Variants in ZNF675 observed in about 807,000 individuals in gnomAD.
The protein encoded by ZNF675 is TRAF6 inhibitory zinc finger.
Under a neutral mutation model 56.1 loss-of-function variants are expected in ZNF675, and 36 were observed. The ratio of observed to expected loss-of-function variants is 0.64; its 90% confidence interval spans 0.49 to 0.85. The LOEUF (loss-of-function observed/expected upper bound fraction) is 0.85, where lower values mean the gene tolerates loss of function less well. Ranked by LOEUF, ZNF675 falls within the 40% of genes least tolerant of loss-of-function variation. The pLI is 0.00. For missense variants in ZNF675, 663 were observed against 654.2 expected (o/e 1.01, Z -0.15); for synonymous variants, 200 against 218.9 (o/e 0.91, Z 0.76).
chr19:23,659,471 TAA>T (rs891930972), intron 3 of ZNF675, among the ~76,000 whole-genome samples: 21 of 152,112 alleles, frequency 1.4e-4, no homozygotes, highest in African/African-American at 4.8e-4. Context: ...CATGATATAT[TAA>T]GTTTAGAGAA....
Position 23,653,247 on chromosome 19 carries a change from T to C in ZNF675, c.1686A>G (p.Lys562=). The change falls in exon 4 of 4, where the codon AAA becomes AAG. Residue 562 remains lysine (K), a synonymous_variant. Transcript: ENST00000359788. The part of the protein sequence containing the change: ...TKHKKIHTGE[K]LQNWNV Reference sequence around the variant, plus strand: ...ATTATCACACATTCCAGTTCTGTAGTTTCTCTCCAGTATGTATTTTTTTAT... The same window carrying C: ...ATTATCACACATTCCAGTTCTGTAGCTTCTCTCCAGTATGTATTTTTTTAT... 6.2e-7 allele frequency: 1 copy of C among 1,602,144 alleles called. No homozygotes were observed. Among genetic ancestry groups the C allele is most frequent in the Non-Finnish European group, 8.5e-7 (1 of 1,174,368 alleles).
chr19:23,684,706 G>A (rs1017956956), intron 1 of ZNF675, among the ~76,000 whole-genome samples: 1 of 152,046 alleles, frequency 6.6e-6, no homozygotes, highest in Admixed American at 6.6e-5. Context: ...AATCACTTGA[G>A]AGATTCTCCC....
intron 3 of ZNF675, among the ~76,000 whole-genome samples, chr19:23,660,539 A>T (rs1342011956): frequency 6.6e-6 from 1 of 152,200 alleles, no homozygotes; most frequent in Non-Finnish European, 1.5e-5. Flanking sequence ...AAACTAACAT[A>T]CAAGTTAGGG....
chr19:23,661,800 TA>T (rs1968082476), intron 3 of ZNF675: 1 of 203,698 alleles, frequency 4.9e-6, no homozygotes. Context: ...CAAAATTATG[TA>T]GGTATTTCTG....
rs566787650 is a variant in ZNF675 at position 23,666,765 on chromosome 19, T to C, written c.4-3607A>G. ...TTCTCCTTTTACATACAGGGAAGTCTTTCTCTCTTTTTCTCTTTCTCTCTC... is the reference window on the plus strand; with the variant it reads ...TTCTCCTTTTACATACAGGGAAGTCCTTCTCTCTTTTTCTCTTTCTCTCTC... On this transcript the variant is annotated intron_variant, in intron 1 of 3. Transcript: ENST00000359788. 1.4e-3 allele frequency among the ~76,000 whole-genome samples: 144 copies of C among 99,366 alleles called. 1 individual carries two copies. The highest frequency in any genetic ancestry group is 4.2e-3 in the African/African-American group (136 of 32,658). The allele number at this position is 99,366 out of a possible 152,430, so 65.2% of individuals were successfully genotyped here. A position where few individuals can be genotyped will look rare whatever the true frequency, so the allele number is the denominator to read the frequency against.
intron 1 of ZNF675, among the ~76,000 whole-genome samples, chr19:23,674,696 C>A (rs1034815044): frequency 6.6e-6 from 1 of 150,692 alleles, no homozygotes; most frequent in Non-Finnish European, 1.5e-5. Flanking sequence ...TGGTTGGGTG[C>A]AGTGGCTCAC....
At chr19:23,669,969 C>A (rs8104776) in intron 1 of ZNF675, among the ~76,000 whole-genome samples, 147,215 of 152,196 alleles carry the variant, frequency 0.97, 71,378 homozygotes, top group Middle Eastern at 1. Context: ...CAGACTAAGT[C>A]TGGGGCCTAA....
intron 1 of ZNF675, among the ~76,000 whole-genome samples, chr19:23,673,876 G>A (rs7260570): frequency 0.99 from 150,277 of 151,696 alleles, 74,469 homozygotes; most frequent in Middle Eastern, 1. Flanking sequence ...AATTTTATCC[G>A]GCCCCAGAGA....
At chr19:23,684,575 C>T (rs899551338) in intron 1 of ZNF675, among the ~76,000 whole-genome samples, 15 of 151,830 alleles carry the variant, frequency 9.9e-5, no homozygotes, top group Non-Finnish European at 1.6e-4. Context: ...ACCTGGGAGG[C>T]GGAGGTTGCC....
At chr19:23,683,059 C>A (rs988375009) in intron 1 of ZNF675, among the ~76,000 whole-genome samples, 4 of 151,110 alleles carry the variant, frequency 2.6e-5, no homozygotes, top group Non-Finnish European at 1.5e-5. Context: ...CGTGGTGGTG[C>A]GCATCTGTAA....
intron 1 of ZNF675, among the ~76,000 whole-genome samples, chr19:23,683,987 CGT>C (rs754981106): frequency 4.6e-4 from 70 of 152,052 alleles, no homozygotes; most frequent in Admixed American, 1.2e-3. Flanking sequence ...ACTGACTGGG[CGT>C]GGTGGCTCAC....
intron 2 of ZNF675, among the ~76,000 whole-genome samples, chr19:23,662,469 A>C (rs531456347): frequency 2.6e-5 from 4 of 152,218 alleles, no homozygotes; most frequent in African/African-American, 9.6e-5. Context: ...TTATGCCACT[A>C]AACTTCTGAA....
chr19:23,672,605 C>T (rs1024875497), intron 1 of ZNF675, among the ~76,000 whole-genome samples: 2 of 152,212 alleles, frequency 1.3e-5, no homozygotes, highest in Admixed American at 6.5e-5. Flanking sequence ...GCAGATTCTA[C>T]GTCAGATAAA....
chr19:23,678,016 A>T (rs1968322850), intron 1 of ZNF675, among the ~76,000 whole-genome samples: 1 of 151,536 alleles, frequency 6.6e-6, no homozygotes, highest in Admixed American at 6.6e-5. Context: ...GCTACTCGCG[A>T]GTCTGAGGCA....
chr19:23,654,976 C>G (rs1967963101), intron 3 of ZNF675: 1 of 261,266 alleles, frequency 3.8e-6, no homozygotes, highest in Admixed American at 5.1e-5. Flanking sequence ...TGACTCACAC[C>G]TGTACTCCCA....
At position 23,662,115 on chromosome 19, in the gene ZNF675, T is replaced by TG; in HGVS notation, c.224dup (p.Val76SerfsTer21). ...GTATTCACTTTCATTCTCACTTACC[T>TG]GGGGGTTCATTCACCATCTCATGTC... On this transcript the variant is annotated frameshift_variant and splice_region_variant, in exon 3 of 4. Transcript: ENST00000359788. LOFTEE classifies it high-confidence loss of function. 1 of 1,611,426 alleles carries TG rather than the reference T, an allele frequency of 6.2e-7. No individual in the cohort carries two copies. Among genetic ancestry groups the TG allele is most frequent in the South Asian group, 1.1e-5 (1 of 90,984 alleles).
At position 23,687,068 on chromosome 19, in the gene ZNF675, G is replaced by C. The variant is rs1968453539; in HGVS notation, c.-35C>G. On this transcript the variant is annotated 5_prime_UTR_variant, in exon 1 of 4. Transcript: ENST00000359788. ...TCCAGGGGGTCCTGGAGTCTTAGCT[G>C]TGGATCTCTCAATTTCTGCAGGTCA... The C allele has an allele frequency of 6.2e-7, 1 of 1,613,140 alleles. No individual in the cohort carries two copies. Among genetic ancestry groups the C allele is most frequent in the Admixed American group, 1.7e-5 (1 of 59,926 alleles).
chr19:23,657,153 C>T (rs984958325), intron 3 of ZNF675: 2 of 152,258 alleles, frequency 1.3e-5, no homozygotes, highest in Admixed American at 1.3e-4. Context: ...CCAGGCTAGT[C>T]TCATACTTTT....
chr19:23,677,268 A>G (rs1199034033), intron 1 of ZNF675, among the ~76,000 whole-genome samples: 1 of 8,206 alleles, frequency 1.2e-4, no homozygotes, highest in East Asian at 0.083. Context: ...ACATGACTCT[A>G]CATCTAAAAA....
Sources: gnomAD v4.1 joint callset for allele counts (sites outside exome capture counted in the v4.1 genomes callset) on GRCh38, gnomAD v4.1.1 for gene constraint, MANE v1.5 for transcripts, NCBI Gene and HGNC (gene_info 2026-07-23, HGNC 2026-07-21) for gene names.